Variants in CLPTM1 observed in about 807,000 individuals in gnomAD.
CLPTM1 encodes CLPTM1 regulator of GABA type A receptor forward trafficking, also known as putative lipid scramblase CLPTM1.
A neutral mutation model predicts 77.3 loss-of-function variants in CLPTM1; 21 were observed. The ratio of observed to expected loss-of-function variants is 0.27; its 90% CI spans 0.19 to 0.39. The LOEUF (loss-of-function observed/expected upper bound fraction) is 0.39. Ranked by LOEUF, CLPTM1 falls within the 10% of genes least tolerant of loss-of-function variation. The pLI, the probability that CLPTM1 is intolerant of heterozygous loss-of-function variation, is 1.00. For missense variants in CLPTM1, 642 were observed against 921.2 expected (o/e 0.70, Z 3.92); for synonymous variants, 373 against 381.0 (o/e 0.98, Z 0.24).
At chr19:44,970,400 A>AT (rs34309230) in intron 2 of CLPTM1, among the ~76,000 whole-genome samples, 37,506 of 119,856 alleles carry the variant, frequency 0.31, 7,147 homozygotes, top group East Asian at 0.49. Flanking sequence ...CTGGGCTAGC[A>AT]TTTTTTTTTT....
chr19:44,988,288 C>A, intron 9 of CLPTM1, 115 bp downstream of exon 9: 1 of 788,692 alleles, frequency 1.3e-6, no homozygotes, highest in Non-Finnish European at 2.2e-6. Flanking sequence ...GGTCTCTCAG[C>A]CCCACTCTCC....
At chr19:44,961,847 G>C in intron 1 of CLPTM1, 116 bp from the exon 2 acceptor site, 1 of 573,120 alleles carries the variant, frequency 1.7e-6, no homozygotes, top group East Asian at 3.2e-5. Flanking sequence ...TCATTCTCCA[G>C]TTATTGATAA....
chr19:44,967,834 T>G (rs1970658320), intron 2 of CLPTM1, among the ~76,000 whole-genome samples: 1 of 152,090 alleles, frequency 6.6e-6, no homozygotes, highest in South Asian at 2.1e-4. Context: ...CCTCAAAAAT[T>G]CCTGCCATGT....
chr19:44,955,027 C>T (rs781107439), upstream of CLPTM1: 1 of 1,535,584 alleles, frequency 6.5e-7, no homozygotes, highest in Non-Finnish European at 8.7e-7. Flanking sequence ...GAAAAGGACG[C>T]GAAGAATCGG....
At chr19:44,975,736 T>A (rs941021520) in intron 4 of CLPTM1, among the ~76,000 whole-genome samples, 2 of 152,112 alleles carry the variant, frequency 1.3e-5, no homozygotes, top group African/African-American at 2.4e-5. Flanking sequence ...CTAATTTTTT[T>A]ATTTTTTAGT....
At chr19:44,988,832 G>C (rs774294859) in intron 9 of CLPTM1, among the ~76,000 whole-genome samples, 1 of 152,178 alleles carries the variant, frequency 6.6e-6, no homozygotes, top group Non-Finnish European at 1.5e-5. Flanking sequence ...AGTGGCCTGC[G>C]GCCCTGTAGC....
chr19:44,974,415 T>A (rs1312367453), intron 3 of CLPTM1, 24 bp from the exon 4 acceptor site: 5 of 1,602,956 alleles, frequency 3.1e-6, no homozygotes, highest in Non-Finnish European at 4.3e-6. Context: ...AGGCCTGAGC[T>A]CTGTTCCCTT....
Position 44,977,532 on chromosome 19 carries a change from G to A in CLPTM1, c.586+72G>A, listed in dbSNP as rs923681605. 10 of 1,188,806 alleles carry A rather than the reference G, an allele frequency of 8.4e-6. No homozygotes were observed. In the East Asian group the frequency reaches 2.3e-4, roughly 28 times the overall value. The allele number at this position is 1,188,806 out of a possible 1,614,324, so 73.6% of individuals were successfully genotyped here. A position where few individuals can be genotyped will look rare whatever the true frequency, so the allele number is the denominator to read the frequency against. On this transcript the variant is annotated intron_variant, in intron 5 of 13. Coordinates refer to ENST00000337392, the MANE Select transcript of CLPTM1 (RefSeq NM_001294.4). ...ATCCTGGGAGCCCCCAGGCTAATGT[G>A]GCGGACAAATCCCAAGTCCAGGAGG... is the stretch of plus-strand genomic sequence containing the variant.
intron 4 of CLPTM1, among the ~76,000 whole-genome samples, chr19:44,976,999 TAAC>T (rs1970814873): frequency 6.6e-6 from 1 of 152,134 alleles, no homozygotes. Flanking sequence ...TGAGTGAGCT[TAAC>T]GAGAGCTCGT....
At chr19:44,978,341 GT>G (rs1302327006) in intron 5 of CLPTM1, among the ~76,000 whole-genome samples, 1 of 150,650 alleles carries the variant, frequency 6.6e-6, no homozygotes, top group East Asian at 2.0e-4. Context: ...GGAGGCGGAG[GT>G]TGCATTGAGC....
At chr19:44,954,884 T>TC, upstream of CLPTM1, 1 of 1,264,276 alleles carries the variant, frequency 7.9e-7, no homozygotes, top group Non-Finnish European at 1.1e-6. Context: ...GGAAGAGGGG[T>TC]CAGAAGACAA....
intron 2 of CLPTM1, 105 bp from the exon 3 acceptor site, chr19:44,972,982 C>T: frequency 6.7e-7 from 1 of 1,492,182 alleles, no homozygotes; most frequent in Non-Finnish European, 9.1e-7. Flanking sequence ...TGGTCACTAG[C>T]CCCAGGTCAG....
At chr19:44,988,205 C>A in intron 9 of CLPTM1, 32 bp downstream of exon 9, 5 of 1,511,176 alleles carry the variant, frequency 3.3e-6, no homozygotes, top group Non-Finnish European at 4.6e-6. Flanking sequence ...TAGTGAGAGG[C>A]TGTGCAGGGT....
chr19:44,992,787 A>G lies in CLPTM1; in HGVS notation c.1900A>G (p.Arg634Gly), dbSNP rs1971100340. The change falls in exon 14 of 14, where the codon AGG becomes GGG. Residue 634 changes from arginine (R) to glycine (G), a missense_variant. Arg to Gly is a moderately radical substitution (Grantham distance 125, BLOSUM62 -2). This residue lies in a region of CLPTM1 where 521 missense variants were observed against 800.4 expected (regional missense o/e 0.65). Transcript: ENST00000337392. This position sits in a 1 kb window ranked among gnomAD's most constrained non-coding sequence, Gnocchi z 7.7. ...TPAPTTTTAT[R>G]EEASTSLPTK... ...TGCACCCACCACGACCACCGCCACC[A>G]GGGAGGAGGCCTCCACGTCCCTGCC... 1 of 1,612,742 alleles carries G rather than the reference A, an allele frequency of 6.2e-7. No homozygotes were observed.
At chr19:44,974,334 A>T in intron 3 of CLPTM1, 105 bp from the exon 4 acceptor site, 1 of 1,147,248 alleles carries the variant, frequency 8.7e-7, no homozygotes, top group Non-Finnish European at 1.2e-6. Context: ...TGTCCTCCAT[A>T]ATTACTGTTC....
At position 44,990,447 on chromosome 19, in the gene CLPTM1, C is replaced by T. The variant is rs200790305; in HGVS notation, c.1185C>T (p.Ser395=). 2.0e-5 allele frequency: 32 copies of T among 1,614,002 alleles called. No individual in the cohort carries two copies. Among genetic ancestry groups the T allele is most frequent in the Middle Eastern group, 1.6e-4 (1 of 6,082 alleles). ...CCCTGGAGGGCCTGTCCGTGCGCTC[C>T]GTCTTCTTCGGCGTTTTCCAGTCAT... ...RQSLEGLSVR[S]VFFGVFQSFV... Residue 395 remains serine, a synonymous_variant, in exon 10 of 14, where the codon TCC becomes TCT. Coordinates refer to ENST00000337392, the MANE Select transcript of CLPTM1 (RefSeq NM_001294.4). The surrounding 1 kb of genome is among the most constrained non-coding windows in gnomAD (Gnocchi z 4.8).
rs1037481212 is a variant in CLPTM1 at position 44,991,772 on chromosome 19, G to A, written c.1555+399G>A. On this transcript the variant is annotated intron_variant, in intron 12 of 13. Transcript: ENST00000337392. This position sits in a 1 kb window ranked among gnomAD's most constrained non-coding sequence, Gnocchi z 5.4. ...ACACAGAAATTATTGGGGAGTGGTGGTGCGTGCCTGTAGTCCCAGCTACCT... is the reference window on the plus strand; with the variant it reads ...ACACAGAAATTATTGGGGAGTGGTGATGCGTGCCTGTAGTCCCAGCTACCT... 6.6e-6 allele frequency among the ~76,000 whole-genome samples: 1 copy of A among 152,102 alleles called. No individual in the cohort carries two copies. The highest frequency in any genetic ancestry group is 2.4e-5 in the African/African-American group (1 of 41,412).
intron 5 of CLPTM1, among the ~76,000 whole-genome samples, chr19:44,984,825 T>C (rs1020846533): frequency 1.3e-5 from 2 of 152,162 alleles, no homozygotes; most frequent in African/African-American, 2.4e-5. Context: ...TAGCTGGGAT[T>C]ACAGGCACCC....
At chr19:44,989,146 A>G (rs2122332594) in intron 9 of CLPTM1, among the ~76,000 whole-genome samples, 1 of 152,294 alleles carries the variant, frequency 6.6e-6, no homozygotes, top group East Asian at 1.9e-4. Flanking sequence ...ATCCTAGGCA[A>G]CAGAGTGACA....
Sources: gnomAD v4.1 joint callset for allele counts (sites outside exome capture counted in the v4.1 genomes callset) on GRCh38, gnomAD v4.1.1 for gene constraint, gnomAD v4.1.1 regional missense constraint, Gnocchi (gnomAD v3.1) non-coding constraint, MANE v1.5 for transcripts, NCBI Gene and HGNC (gene_info 2026-07-23, HGNC 2026-07-21) for gene names.